Variants in MARK4 observed in about 807,000 individuals in gnomAD.
MARK4 encodes MAP/microtubule affinity-regulating kinase 4.
MARK4 carries 19 observed loss-of-function variants against 81.5 expected under a neutral mutation model. The ratio of observed to expected loss-of-function variants is 0.23; its 90% CI spans 0.16 to 0.34. The LOEUF (loss-of-function observed/expected upper bound fraction) is 0.34. Ranked by LOEUF, MARK4 falls within the 10% of genes least tolerant of loss-of-function variation. The pLI is 1.00. For synonymous variants in MARK4, 436 were observed against 439.0 expected, an observed-to-expected ratio of 0.99 and a Z score of 0.08; for missense variants, 772 against 1,058.8, an observed-to-expected ratio of 0.73 and a Z score of 3.76.
chr19:45,252,124 C>T (rs987144108), intron 1 of MARK4, among the ~76,000 whole-genome samples: 1 of 151,992 alleles, frequency 6.6e-6, no homozygotes, highest in Non-Finnish European at 1.5e-5. Context: ...CCCCAGGAGC[C>T]CCCCTCCTCT....
At chr19:45,281,030 A>G (rs1480607941) in intron 12 of MARK4, among the ~76,000 whole-genome samples, 2 of 150,586 alleles carry the variant, frequency 1.3e-5, no homozygotes, top group East Asian at 1.9e-4. Context: ...ATCTCATCCT[A>G]TCTTTTTTCC....
chr19:45,293,353 C>G (rs1451256655), intron 13 of MARK4, among the ~76,000 whole-genome samples: 1 of 152,108 alleles, frequency 6.6e-6, no homozygotes, highest in Non-Finnish European at 1.5e-5. Flanking sequence ...TCACCAGTAT[C>G]CACAATGAAA....
At chr19:45,301,128 C>T (rs1404939945) in intron 16 of MARK4, among the ~76,000 whole-genome samples, 1 of 152,122 alleles carries the variant, frequency 6.6e-6, no homozygotes, top group Admixed American at 6.5e-5. Flanking sequence ...AATCAAAAAG[C>T]CCCCAGAGGC....
rs764159321 is a variant in MARK4, at chr19:45,287,581, C to A, written c.1411C>A (p.Pro471Thr). 1.9e-6 allele frequency: 3 copies of A among 1,596,814 alleles called. No individual in the cohort carries two copies. Among genetic ancestry groups the A allele is most frequent in the Middle Eastern group, 1.7e-4 (1 of 6,002 alleles). ...GGGGAGTGGGAGTCGAGGGCTGCCCCCCTCCAGCCCCATGGTCAGCAGCGC... is the reference window on the plus strand; with the variant it reads ...GGGGAGTGGGAGTCGAGGGCTGCCCACCTCCAGCCCCATGGTCAGCAGCGC... The part of the protein sequence containing the change: ...TAGSGSRGLP[P>T]SSPMVSSAHN... Residue 471 changes from proline to threonine, a missense_variant, in exon 13 of 17, where the codon CCC becomes ACC. By Grantham distance (38) the Pro-to-Thr change is conservative. Coordinates refer to ENST00000262891, the MANE Select transcript of MARK4 (RefSeq NM_001199867.2).
chr19:45,290,840 G>T (rs1209270905), intron 13 of MARK4, among the ~76,000 whole-genome samples: 3 of 152,194 alleles, frequency 2.0e-5, no homozygotes, highest in African/African-American at 7.2e-5. Flanking sequence ...CTCCAGGGCT[G>T]TGCAGAGCCC....
intron 12 of MARK4, among the ~76,000 whole-genome samples, 177 bp downstream of exon 12, chr19:45,280,911 C>T (rs1430527665): frequency 2.0e-5 from 3 of 152,118 alleles, no homozygotes; most frequent in Non-Finnish European, 2.9e-5. Context: ...CAGGAATGCA[C>T]AGCCAGGCTC....
intron 7 of MARK4, among the ~76,000 whole-genome samples, chr19:45,269,982 C>T (rs576083417): frequency 2.0e-5 from 3 of 152,190 alleles, no homozygotes; most frequent in South Asian, 4.1e-4. Context: ...CACCCGCCAC[C>T]ACGCCTGGCT....
intron 8 of MARK4, among the ~76,000 whole-genome samples, chr19:45,276,268 C>T (rs1970596353): frequency 6.6e-6 from 1 of 152,208 alleles, no homozygotes; most frequent in South Asian, 2.1e-4. Flanking sequence ...CTCAAGCGGT[C>T]TTCCCACCTT....
At position 45,273,341 on chromosome 19, in the gene MARK4, C is replaced by T. The variant is rs141769292; in HGVS notation, c.786+1633C>T. On this transcript the variant is annotated intron_variant, in intron 8 of 16. Transcript: ENST00000262891. ...GGCGCATTTGACAGTTAGTTGCAGA[C>T]GCTGTGTCCTTTTATCCCTAAAGGC... 1.8e-4 allele frequency among the ~76,000 whole-genome samples: 28 copies of T among 152,280 alleles called. No individual in the cohort carries two copies. In the East Asian group the frequency reaches 4.6e-3, roughly 25 times the overall value.
chr19:45,278,807 G>A (rs943955322), intron 10 of MARK4, among the ~76,000 whole-genome samples, 192 bp downstream of exon 10: 1 of 152,216 alleles, frequency 6.6e-6, no homozygotes, highest in African/African-American at 2.4e-5. Flanking sequence ...GTTTTGCCAT[G>A]TTGGCCATGC....
At chr19:45,295,134 A>T (rs62118540) in intron 14 of MARK4, among the ~76,000 whole-genome samples, 26,991 of 151,274 alleles carry the variant, frequency 0.18, 3,080 homozygotes, top group Non-Finnish European at 0.27. Flanking sequence ...TGGATCAAGA[A>T]GTCAGGAGAT....
In MARK4 at chr19:45,280,447, G is replaced by A. The variant is rs747597957; in HGVS notation, c.1080G>A (p.Val360=). The A allele has an allele frequency of 1.2e-6, 2 of 1,614,160 alleles. No individual in the cohort carries two copies. The highest frequency in any genetic ancestry group is 1.7e-6 in the Non-Finnish European group (2 of 1,180,038). ...ESLTSQKYNE[V]TATYLLLGRK... The stretch of plus-strand genomic sequence containing the variant: ...TGACCAGCCAGAAGTACAACGAAGT[G>A]ACCGCCACCTACCTCCTGCTGGGCA... The change falls in exon 11 of 17, where the codon GTG becomes GTA. Residue 360 remains valine, a synonymous_variant. Coordinates refer to ENST00000262891, the MANE Select transcript of MARK4 (RefSeq NM_001199867.2).
chr19:45,302,203 C>G lies in MARK4; in HGVS notation c.1923-171C>G, dbSNP rs544911914. On this transcript the variant is annotated intron_variant, in intron 16 of 16. Transcript: ENST00000262891. The surrounding 1 kb of genome is among the most constrained non-coding windows in gnomAD (Gnocchi z 4.9). The stretch of plus-strand genomic sequence containing the variant: ...CAAGGGAGGCTGGAAAGTGTGGTCT[C>G]TAGCTGGGCAGCTCTGTATCCAGTT... Among the ~76,000 whole-genome samples, 40 of 152,372 alleles carry G rather than the reference C, an allele frequency of 2.6e-4. No individual in the cohort carries two copies. Among genetic ancestry groups the G allele is most frequent in the African/African-American group, 5.5e-4 (23 of 41,592 alleles).
chr19:45,304,069 GTTAC>G lies in MARK4; in HGVS notation c.*1363_*1366del, dbSNP rs1971017183. ...AGCAAAAAGGTATTTGTTGGTTTAT[GTTAC>G]TTAATAGTCCAGGGGCACCTGGCTT... On this transcript the variant is annotated 3_prime_UTR_variant, in exon 17 of 17. Coordinates refer to ENST00000262891, the MANE Select transcript of MARK4 (RefSeq NM_001199867.2). The G allele has an allele frequency of 6.6e-6, 1 of 152,258 alleles. No individual in the cohort carries two copies. The highest frequency in any genetic ancestry group is 1.5e-5 in the Non-Finnish European group (1 of 68,046). The allele number at this position is 152,258 out of a possible 1,614,324, so 9.4% of individuals were successfully genotyped here.
intron 1 of MARK4, among the ~76,000 whole-genome samples, chr19:45,257,530 C>G (rs146882670): frequency 7.3e-5 from 11 of 150,048 alleles, no homozygotes; most frequent in African/African-American, 2.7e-4. Context: ...ATTACAGGTG[C>G]GCGTCACCAT....
intron 16 of MARK4, 84 bp downstream of exon 16, chr19:45,299,939 G>C: frequency 7.2e-7 from 1 of 1,391,786 alleles, no homozygotes; most frequent in Non-Finnish European, 9.8e-7. Flanking sequence ...GCATTAGATG[G>C]GGCCCCAGTC....
intron 8 of MARK4, among the ~76,000 whole-genome samples, chr19:45,273,717 G>A (rs540421204): frequency 6.6e-6 from 1 of 152,228 alleles, no homozygotes; most frequent in African/African-American, 2.4e-5. Flanking sequence ...GGAATCGGGG[G>A]TGCATTGGGG....
At chr19:45,276,447 A>G (rs1445683240) in intron 8 of MARK4, among the ~76,000 whole-genome samples, 2 of 152,148 alleles carry the variant, frequency 1.3e-5, no homozygotes, top group African/African-American at 2.4e-5. Context: ...GAAAGCCAGC[A>G]GATAAATCCA....
At chr19:45,273,627 T>C (rs775578375) in intron 8 of MARK4, among the ~76,000 whole-genome samples, 8 of 152,204 alleles carry the variant, frequency 5.3e-5, no homozygotes, top group Non-Finnish European at 8.8e-5. Flanking sequence ...TTTCATGACA[T>C]TGACATTATC....
Sources: allele counts gnomAD v4.1 joint callset (sites outside exome capture counted in the v4.1 genomes callset), GRCh38; gene constraint gnomAD v4.1.1; non-coding constraint Gnocchi (gnomAD v3.1); transcripts MANE v1.5; gene names NCBI Gene and HGNC (gene_info 2026-07-23, HGNC 2026-07-21).